Variants in DEFB110 observed in about 807,000 individuals in gnomAD.
DEFB110 encodes beta-defensin 110.
DEFB110 carries 4 observed loss-of-function variants against 2.5 expected under a neutral mutation model. The ratio of observed to expected loss-of-function variants is 1.60; its 90% CI spans 0.79 to 3.66. The LOEUF is 3.66. Among genes scored for constraint, DEFB110 ranks in the 30% most tolerant of loss-of-function variants. The pLI, the probability that DEFB110 is intolerant of heterozygous loss-of-function variation, is 0.01. For synonymous variants in DEFB110, 29 were observed against 21.8 expected (o/e 1.33, Z -0.92); for missense variants, 94 against 75.4 (o/e 1.25, Z -0.91).
downstream of DEFB110, among the ~76,000 whole-genome samples, chr6:50,015,976 A>C (rs1029830944): frequency 5.3e-5 from 8 of 151,860 alleles, no homozygotes; most frequent in Non-Finnish European, 1.0e-4. Context: ...GTAGTCAATC[A>C]ATATCAGTTC....
chr6:50,011,674 T>C (rs1774230859), intron 1 of DEFB110, among the ~76,000 whole-genome samples: 1 of 152,174 alleles, frequency 6.6e-6, no homozygotes, highest in East Asian at 1.9e-4. Context: ...GTGTCTGGCA[T>C]ATATCTCTCC....
chr6:50,020,022 A>G (rs567611297), intron 1 of DEFB110, among the ~76,000 whole-genome samples: 96 of 152,134 alleles, frequency 6.3e-4, no homozygotes, highest in Non-Finnish European at 1.6e-4. Context: ...TTCTAGAAAA[A>G]GTGTGTTAAC....
At chr6:50,013,859 CAG>C (rs1230011278), downstream of DEFB110, among the ~76,000 whole-genome samples, 7 of 151,762 alleles carry the variant, frequency 4.6e-5, no homozygotes, top group African/African-American at 1.7e-4. Context: ...GATATTGAAA[CAG>C]AATAAAAGAC....
chr6:50,012,904 T>C (rs533935404), intron 1 of DEFB110, among the ~76,000 whole-genome samples: 19 of 151,872 alleles, frequency 1.3e-4, no homozygotes, highest in African/African-American at 4.3e-4. Context: ...AAAAAATGCA[T>C]CACTTTTAAA....
chr6:50,012,187 C>T (rs531200425), intron 1 of DEFB110, among the ~76,000 whole-genome samples: 99 of 152,058 alleles, frequency 6.5e-4, no homozygotes, highest in Admixed American at 2.1e-3. Flanking sequence ...CACTGTTACT[C>T]ACTGTTTATG....
chr6:50,021,312 T>C (rs1248950446), intron 1 of DEFB110, among the ~76,000 whole-genome samples: 1 of 152,178 alleles, frequency 6.6e-6, no homozygotes, highest in East Asian at 1.9e-4. Flanking sequence ...GTAGTACAAG[T>C]TGTGATGAGC....
downstream of DEFB110, among the ~76,000 whole-genome samples, chr6:50,018,330 T>C (rs531928464): frequency 1.3e-5 from 2 of 152,122 alleles, no homozygotes; most frequent in East Asian, 3.9e-4. Flanking sequence ...TATTTTCTCC[T>C]CTTCTTTCTG....
At position 50,021,772 on chromosome 6, in the gene DEFB110, T is replaced by C. The variant is rs1203547802; in HGVS notation, c.55+109A>G. 3 of 1,012,892 alleles carry C rather than the reference T, an allele frequency of 3.0e-6. No homozygotes were observed. In the South Asian group the frequency reaches 5.2e-5, roughly 17 times the overall value. The allele number at this position is 1,012,892 out of a possible 1,614,324, so 62.7% of individuals were successfully genotyped here. A position where few individuals can be genotyped will look rare whatever the true frequency, so the allele number is the denominator to read the frequency against. On this transcript the variant is annotated intron_variant, in intron 1 of 1. Coordinates refer to ENST00000371148, the MANE Select transcript of DEFB110 (RefSeq NM_001037497.2). ...AATCTAAAATACCACATTACATTTT[T>C]GTGAAATGATGTTTTAATCCCTATG...
chr6:50,009,411 A>C (rs1774189890), intron 1 of DEFB110: 1 of 826,444 alleles, frequency 1.2e-6, no homozygotes, highest in African/African-American at 1.8e-5. Flanking sequence ...GTTGTTTTGT[A>C]GCAGAATTTA....
chr6:50,021,824 C>A (rs967576290), intron 1 of DEFB110, 57 bp downstream of exon 1: 2 of 1,462,536 alleles, frequency 1.4e-6, no homozygotes, highest in Non-Finnish European at 1.8e-6. Context: ...TATCAAGAAA[C>A]AACTTATGTC....
At chr6:50,010,776 G>C (rs937617709) in intron 1 of DEFB110, among the ~76,000 whole-genome samples, 1 of 151,386 alleles carries the variant, frequency 6.6e-6, no homozygotes, top group Non-Finnish European at 1.5e-5. Context: ...TATACTTTTT[G>C]TAACTGTTGC....
At chr6:50,019,382 A>G (rs1039453495) in intron 1 of DEFB110, among the ~76,000 whole-genome samples, 7 of 152,114 alleles carry the variant, frequency 4.6e-5, no homozygotes, top group East Asian at 1.9e-4. Context: ...TCCCTAAATC[A>G]ATGGAAAAAA....
chr6:50,011,872 G>A (rs1774234436), intron 1 of DEFB110, among the ~76,000 whole-genome samples: 2 of 151,904 alleles, frequency 1.3e-5, no homozygotes, highest in South Asian at 4.1e-4. Context: ...CAAGGCCGTG[G>A]GTCAGTTGAA....
rs556101907 is a variant in DEFB110 at position 50,020,980 on chromosome 6, C to G, written c.55+901G>C. 2.0e-5 allele frequency among the ~76,000 whole-genome samples: 3 copies of G among 152,056 alleles called. No individual in the cohort carries two copies. The South Asian group carries it at 6.2e-4, about 32-fold the overall frequency. ...TGAATGCACCTTGGACTGACCCCAC[C>G]CCTTCTCTTATTCATTCTTTGTCTT... On this transcript the variant is annotated intron_variant, in intron 1 of 1. Transcript: ENST00000371148.
At position 50,021,921 on chromosome 6, in the gene DEFB110, A is replaced by T. The variant is rs769317505; in HGVS notation, c.15T>A (p.Leu5=). Residue 5 remains leucine, a synonymous_variant, in exon 1 of 2, where the codon CTT becomes CTA. Coordinates refer to ENST00000371148, the MANE Select transcript of DEFB110 (RefSeq NM_001037497.2). MKIQ[L]FFFILHFWVT... is the part of the protein sequence containing the mutation. The stretch of plus-strand genomic sequence containing the variant: ...CCCAAAAGTGCAGAATAAAGAAAAA[A>T]AGTTGAATCTTCATGGTAGAGAGTT... 5 of 1,563,096 alleles carry T rather than the reference A, an allele frequency of 3.2e-6. No individual in the cohort carries two copies. The highest frequency in any genetic ancestry group is 2.1e-5 in the Admixed American group (1 of 47,190).
downstream of DEFB110, among the ~76,000 whole-genome samples, chr6:50,017,815 T>C (rs1023243875): frequency 6.6e-6 from 1 of 151,886 alleles, no homozygotes; most frequent in Non-Finnish European, 1.5e-5. Flanking sequence ...AGAGAGGCCA[T>C]AATAAAAATA....
At chr6:50,016,127 T>C (rs1180058283), downstream of DEFB110, among the ~76,000 whole-genome samples, 1 of 151,792 alleles carries the variant, frequency 6.6e-6, no homozygotes, top group East Asian at 1.9e-4. Context: ...TGCCCAAGGA[T>C]ATTGAGGTAA....
At chr6:50,017,236 T>A (rs547178623), downstream of DEFB110, among the ~76,000 whole-genome samples, 2 of 152,020 alleles carry the variant, frequency 1.3e-5, no homozygotes, top group African/African-American at 4.8e-5. Flanking sequence ...ATATCACATC[T>A]AGCCCATATG....
intron 1 of DEFB110, among the ~76,000 whole-genome samples, chr6:50,011,970 A>G (rs1369788761): frequency 6.6e-6 from 1 of 152,066 alleles, no homozygotes; most frequent in Admixed American, 6.6e-5. Context: ...TATAGCACAA[A>G]TGATTTAGAT....
Sources: allele counts gnomAD v4.1 joint callset (sites outside exome capture counted in the v4.1 genomes callset), GRCh38; gene constraint gnomAD v4.1.1; transcripts MANE v1.5; gene names NCBI Gene and HGNC (gene_info 2026-07-23, HGNC 2026-07-21).